PBX1: variants seen among roughly 807,000 people sequenced by gnomAD.
PBX1 encodes the protein pre-B-cell leukemia transcription factor 1.
PBX1 carries 6 observed loss-of-function variants against 53.4 expected under a neutral mutation model. That is an observed-to-expected ratio of 0.11 (90% confidence interval 0.06 to 0.22). PBX1 has a LOEUF of 0.22. Among genes scored for constraint, PBX1 ranks in the 10% least tolerant of loss-of-function variants. The probability of loss-of-function intolerance (pLI) is 1.00; values close to 1 mark genes in which losing one functional copy is unlikely to be tolerated. For missense variants in PBX1, 251 were observed against 551.4 expected (o/e 0.46, Z 5.46); for synonymous variants, 204 against 212.3 (o/e 0.96, Z 0.34).
chr1:164,700,674 A>G, intron 2 of PBX1: 2 of 985,400 alleles, frequency 2.0e-6, no homozygotes, highest in African/African-American at 3.5e-5. Context: ...CCTGCAGCAG[A>G]TAGGATGATG....
At chr1:164,570,488 C>G (rs560274600) in intron 2 of PBX1, among the ~76,000 whole-genome samples, 1 of 151,966 alleles carries the variant, frequency 6.6e-6, no homozygotes, top group Middle Eastern at 3.2e-3. Flanking sequence ...GTTAATTTGC[C>G]GAGAGTGATG....
At chr1:164,800,442 G>T (rs1399326159) in intron 4 of PBX1, among the ~76,000 whole-genome samples, 1 of 152,196 alleles carries the variant, frequency 6.6e-6, no homozygotes, top group Non-Finnish European at 1.5e-5. Context: ...GGGCCAACTT[G>T]GTTTGATGGT....
intron 2 of PBX1, among the ~76,000 whole-genome samples, chr1:164,735,133 T>C (rs1412504411): frequency 6.6e-6 from 1 of 152,246 alleles, no homozygotes; most frequent in Non-Finnish European, 1.5e-5. Flanking sequence ...AATGTATTCA[T>C]ACTTTTATCA....
chr1:164,628,867 C>G (rs955823339), intron 2 of PBX1, among the ~76,000 whole-genome samples: 2 of 152,144 alleles, frequency 1.3e-5, no homozygotes, highest in African/African-American at 2.4e-5. Flanking sequence ...TACAGCACCC[C>G]TTACACCGTC....
downstream of PBX1, among the ~76,000 whole-genome samples, chr1:164,852,773 G>T (rs368597886): frequency 1.1e-4 from 16 of 152,306 alleles, no homozygotes; most frequent in East Asian, 2.9e-3. Flanking sequence ...GACAAGCTAA[G>T]TGCCCATTGG....
intron 2 of PBX1, among the ~76,000 whole-genome samples, chr1:164,645,117 C>T (rs1226306990): frequency 6.6e-6 from 1 of 152,134 alleles, no homozygotes; most frequent in Non-Finnish European, 1.5e-5. Context: ...TTTCTTTCTA[C>T]CCATGAGTCA....
At chr1:164,795,400 A>G (rs1270567197) in intron 3 of PBX1, among the ~76,000 whole-genome samples, 1 of 152,210 alleles carries the variant, frequency 6.6e-6, no homozygotes, top group Non-Finnish European at 1.5e-5. Flanking sequence ...GGTTGTGATA[A>G]AAATATTCTC....
At chr1:164,829,602 C>A (rs564509431) in intron 8 of PBX1, 1 of 151,938 alleles carries the variant, frequency 6.6e-6, no homozygotes, top group Non-Finnish European at 1.5e-5. Context: ...CATGGGGGAA[C>A]AACACACACT....
chr1:164,868,117 C>T (rs930563138), intron 2 of PBX1, among the ~76,000 whole-genome samples: 22 of 152,310 alleles, frequency 1.4e-4, no homozygotes, highest in Non-Finnish European at 2.4e-4. Flanking sequence ...GAAAATAGAG[C>T]GGCTCACTGC....
intron 2 of PBX1, among the ~76,000 whole-genome samples, chr1:164,591,242 C>G (rs1655356056): frequency 6.6e-6 from 1 of 152,074 alleles, no homozygotes; most frequent in African/African-American, 2.4e-5. Context: ...GAACTCCTGG[C>G]CTCAAGTGAT....
intron 2 of PBX1, among the ~76,000 whole-genome samples, chr1:164,574,017 C>A (rs963875386): frequency 6.6e-6 from 1 of 152,266 alleles, no homozygotes; most frequent in Non-Finnish European, 1.5e-5. Flanking sequence ...GATGAATAGC[C>A]GTGTTCCAGA....
chr1:164,677,254 G>A (rs1025095675), intron 2 of PBX1, among the ~76,000 whole-genome samples: 2 of 151,372 alleles, frequency 1.3e-5, no homozygotes, highest in Admixed American at 1.3e-4. Context: ...CACCGCGCCC[G>A]GCTAATTTTT....
intron 2 of PBX1, among the ~76,000 whole-genome samples, chr1:164,694,452 A>C (rs1662689002): frequency 6.6e-6 from 1 of 152,216 alleles, no homozygotes; most frequent in South Asian, 2.1e-4. Context: ...GTCTGGACTA[A>C]AACAAGTATC....
At chr1:164,709,659 A>G (rs1686177) in intron 2 of PBX1, among the ~76,000 whole-genome samples, 152,072 of 152,242 alleles carry the variant, frequency 1, 75,952 homozygotes, top group Non-Finnish European at 1. Context: ...GGCAACCTAA[A>G]CTATATTTTG....
chr1:164,628,133 A>T (rs1658164596), intron 2 of PBX1, among the ~76,000 whole-genome samples: 2 of 152,300 alleles, frequency 1.3e-5, no homozygotes, highest in Admixed American at 1.3e-4. Context: ...TTTGGGGGAG[A>T]ATTTAAAATG....
intron 2 of PBX1, chr1:164,680,411 G>A (rs1427887691): frequency 1.3e-5 from 2 of 152,144 alleles, no homozygotes; most frequent in African/African-American, 2.4e-5. Context: ...TTTTGATTCA[G>A]TGGGTACACA....
intron 2 of PBX1, chr1:164,703,298 A>AT (rs1180804327): frequency 6.6e-6 from 1 of 152,210 alleles, no homozygotes; most frequent in African/African-American, 2.4e-5. Context: ...CCATAGGTGT[A>AT]TACCTCCATG....
At chr1:164,698,440 A>G (rs1220885603) in intron 2 of PBX1, among the ~76,000 whole-genome samples, 1 of 152,142 alleles carries the variant, frequency 6.6e-6, no homozygotes, top group Non-Finnish European at 1.5e-5. Context: ...ATTGTGTTTG[A>G]CGGTGTTGAG....
At chr1:164,610,271 C>T (rs1191880373) in intron 2 of PBX1, among the ~76,000 whole-genome samples, 1 of 152,054 alleles carries the variant, frequency 6.6e-6, no homozygotes, top group Non-Finnish European at 1.5e-5. Flanking sequence ...TGACGGTGGT[C>T]CATGAGCCCC....
Sources: allele counts gnomAD v4.1 joint callset (sites outside exome capture counted in the v4.1 genomes callset), GRCh38; gene constraint gnomAD v4.1.1; transcripts MANE v1.5; gene names NCBI Gene and HGNC (gene_info 2026-07-23, HGNC 2026-07-21).